ABCA4: variants seen among roughly 807,000 people sequenced by gnomAD.
ABCA4 encodes retinal-specific phospholipid-transporting ATPase ABCA4.
A neutral mutation model predicts 263.7 loss-of-function variants in ABCA4; 196 were observed. The ratio of observed to expected loss-of-function variants is 0.74; its 90% CI spans 0.66 to 0.84. The LOEUF is 0.84. Among genes scored for constraint, ABCA4 ranks in the 40% least tolerant of loss-of-function variants. The probability of loss-of-function intolerance (pLI) is 0.00; values close to 1 mark genes in which losing one functional copy is unlikely to be tolerated. For synonymous variants in ABCA4, 1,133 were observed against 1,094.2 expected (o/e 1.04, Z -0.70); for missense variants, 2,792 against 2,855.1 (o/e 0.98, Z 0.50).
At chr1:94,107,995 T>C (rs1298384782) in intron 4 of ABCA4, among the ~76,000 whole-genome samples, 1 of 152,142 alleles carries the variant, frequency 6.6e-6, no homozygotes, top group African/African-American at 2.4e-5. Flanking sequence ...AGTCCCTGCC[T>C]TCAGCCCGCT....
At chr1:94,104,092 G>A (rs957794936) in intron 4 of ABCA4, among the ~76,000 whole-genome samples, 1 of 152,108 alleles carries the variant, frequency 6.6e-6, no homozygotes, top group Non-Finnish European at 1.5e-5. Flanking sequence ...TATTATGATC[G>A]AATTAATATA....
At chr1:94,058,507 A>C (rs1407589557) in intron 14 of ABCA4, among the ~76,000 whole-genome samples, 6 of 152,166 alleles carry the variant, frequency 3.9e-5, no homozygotes, top group Non-Finnish European at 7.3e-5. Flanking sequence ...GACTACAGGC[A>C]TGTGCCACCG....
chr1:94,008,896 T>C, intron 40 of ABCA4, 25 bp from the exon 41 acceptor site: 2 of 1,609,132 alleles, frequency 1.2e-6, no homozygotes, highest in Non-Finnish European at 1.7e-6. Context: ...GGGGTCAGGA[T>C]TGGGCTGGCT....
intron 11 of ABCA4, among the ~76,000 whole-genome samples, chr1:94,077,399 A>T (rs546689093): frequency 6.6e-6 from 1 of 152,302 alleles, no homozygotes; most frequent in East Asian, 1.9e-4. Flanking sequence ...AAGCAATGTC[A>T]GACAGAAGAG....
chr1:94,046,473 A>AGAAAAAAG (rs1553191043), intron 19 of ABCA4, among the ~76,000 whole-genome samples: 23 of 120,850 alleles, frequency 1.9e-4, no homozygotes, highest in Non-Finnish European at 3.8e-4. Context: ...AAAAAAAAAA[A>AGAAAAAAG]AAAGAAAAGA....
rs370530559 is a variant in ABCA4 at position 94,037,223 on chromosome 1, G to T, written c.3735C>A (p.Ser1245Arg). ...NKNFKHRAYA[S>R]LFRELEETLA... Reference sequence around the variant, plus strand: ...GCGTCTCCTCCAGCTCTCTGAAAAGGCTGGCATATGCTCTGTGCTTGAAGT... The same window carrying T: ...GCGTCTCCTCCAGCTCTCTGAAAAGTCTGGCATATGCTCTGTGCTTGAAGT... The change falls in exon 25 of 50, where the codon AGC (serine) becomes AGA (arginine). Residue 1245 changes from serine to arginine, a missense_variant. Ser to Arg is a moderately radical substitution (Grantham distance 110). Transcript: ENST00000370225. 6.2e-7 allele frequency: 1 copy of T among 1,614,078 alleles called. No individual in the cohort carries two copies. The highest frequency in any genetic ancestry group is 8.5e-7 in the Non-Finnish European group (1 of 1,180,038).
chr1:94,037,597 T>C (rs943394555), intron 24 of ABCA4, among the ~76,000 whole-genome samples: 3 of 140,664 alleles, frequency 2.1e-5, no homozygotes, highest in Non-Finnish European at 4.7e-5. Flanking sequence ...CTGTGCAACC[T>C]GGGGGCGGAG....
intron 6 of ABCA4, among the ~76,000 whole-genome samples, chr1:94,087,863 C>A (rs1486303754): frequency 6.6e-6 from 1 of 152,184 alleles, no homozygotes; most frequent in East Asian, 1.9e-4. Context: ...ACAAAGTCCT[C>A]CCTTCATGGG....
At position 94,007,668 on chromosome 1, in the gene ABCA4, C is replaced by T; in HGVS notation, c.5971G>A (p.Val1991Met). 2 of 1,614,128 alleles carry T rather than the reference C, an allele frequency of 1.2e-6. No homozygotes were observed. Among genetic ancestry groups the T allele is most frequent in the Non-Finnish European group, 1.7e-6 (2 of 1,180,024 alleles). The change falls in exon 43 of 50, where the codon GTG (valine) becomes ATG (methionine). Residue 1991 changes from valine to methionine, a missense_variant. Physicochemically the swap from Val to Met is conservative, Grantham distance 21. Coordinates refer to ENST00000370225, the MANE Select transcript of ABCA4 (RefSeq NM_000350.3). Reference sequence around the variant, plus strand: ...GCTACGGTGGCATCCCCTGAGGTCACTGTGGTGTCCCCAGTGAGCATCTTG... The same window carrying T: ...GCTACGGTGGCATCCCCTGAGGTCATTGTGGTGTCCCCAGTGAGCATCTTG... The part of the protein sequence containing the change: ...TFKMLTGDTT[V>M]TSGDATVAGK...
intron 4 of ABCA4, among the ~76,000 whole-genome samples, chr1:94,103,563 C>T (rs1449023778): frequency 6.6e-6 from 1 of 152,140 alleles, no homozygotes; most frequent in African/African-American, 2.4e-5. Context: ...TGCTAAACAT[C>T]CTGCAAGGCC....
At chr1:94,051,832 A>T (rs1439927960) in intron 16 of ABCA4, 134 bp from the exon 17 acceptor site, 19 of 727,690 alleles carry the variant, frequency 2.6e-5, no homozygotes, top group Non-Finnish European at 4.1e-5. Flanking sequence ...TTATTATTAC[A>T]TGGCTATTCT....
intron 17 of ABCA4, among the ~76,000 whole-genome samples, chr1:94,049,548 C>A (rs548473433): frequency 6.6e-6 from 1 of 152,126 alleles, no homozygotes; most frequent in African/African-American, 2.4e-5. Flanking sequence ...CGCTTGAACC[C>A]GGGAGGCGGA....
chr1:93,994,469 G>A (rs1247410253), intron 49 of ABCA4, among the ~76,000 whole-genome samples: 1 of 152,196 alleles, frequency 6.6e-6, no homozygotes, highest in Non-Finnish European at 1.5e-5. Context: ...TTGCTTAGGA[G>A]CAAGTTGTAA....
At position 94,031,909 on chromosome 1, in the gene ABCA4, G is replaced by T. The variant is rs368413231; in HGVS notation, c.3997C>A (p.Pro1333Thr). Residue 1333 changes from proline (P) to threonine (T), a missense_variant, in exon 27 of 50, where the codon CCT (proline) becomes ACT (threonine). Transcript: ENST00000370225. ...GAPAAHPEGQ[P>T]PPEPECPGPQ... The stretch of plus-strand genomic sequence containing the variant: ...CCTGGGCACTCTGGCTCTGGGGGAG[G>T]CTGGCCCTCTGGGTGAGCAGCCGGC... 6.2e-7 allele frequency: 1 copy of T among 1,614,042 alleles called. No individual in the cohort carries two copies. Among genetic ancestry groups the T allele is most frequent in the African/African-American group, 1.3e-5 (1 of 74,932 alleles).
rs1265840106 is a variant in ABCA4 at position 94,041,208 on chromosome 1, C to A, written c.3522+1G>T. 2 of 1,614,108 alleles carry A rather than the reference C, an allele frequency of 1.2e-6. No individual in the cohort carries two copies. Among genetic ancestry groups the A allele is most frequent in the Admixed American group, 3.3e-5 (2 of 60,016 alleles). ...GGGTCCTTCCCTGGGCAGACACCTA[C>A]CTCACTGCCTTTCCTTTGGCTCTGG... On this transcript the variant is annotated splice_donor_variant, in intron 23 of 49. Coordinates refer to ENST00000370225, the MANE Select transcript of ABCA4 (RefSeq NM_000350.3). LOFTEE classifies it high-confidence loss of function.
At chr1:94,100,728 C>T (rs1662264082) in intron 5 of ABCA4, among the ~76,000 whole-genome samples, 1 of 152,110 alleles carries the variant, frequency 6.6e-6, no homozygotes, top group African/African-American at 2.4e-5. Flanking sequence ...AGACCCCAGG[C>T]AGAAAGGACC....
At chr1:94,005,883 A>T (rs1298905131) in intron 43 of ABCA4, among the ~76,000 whole-genome samples, 1 of 152,208 alleles carries the variant, frequency 6.6e-6, no homozygotes, top group African/African-American at 2.4e-5. Flanking sequence ...CAGAGGGAAG[A>T]TCAGGTTTAA....
Position 94,064,406 on chromosome 1 carries a change from G to A in ABCA4, c.1555-1089C>T, listed in dbSNP as rs1016819432. On this transcript the variant is annotated intron_variant, in intron 11 of 49. Transcript: ENST00000370225. Reference sequence around the variant, plus strand: ...CTTCCTGGAGGGATCAGGGAAGGCTGCCTGGAGGAAGAGCCTCCTGAGTAG... The same window carrying A: ...CTTCCTGGAGGGATCAGGGAAGGCTACCTGGAGGAAGAGCCTCCTGAGTAG... Among the ~76,000 whole-genome samples the A allele has an allele frequency of 5.3e-5, 8 of 152,194 alleles. No homozygotes were observed. The South Asian group carries it at 1.7e-3, about 32-fold the overall frequency.
intron 17 of ABCA4, among the ~76,000 whole-genome samples, chr1:94,049,230 A>G (rs1003349275): frequency 1.3e-5 from 2 of 152,206 alleles, no homozygotes; most frequent in Non-Finnish European, 2.9e-5. Context: ...AAATTAAGAA[A>G]ACCAGGTTTG....
Sources: allele counts gnomAD v4.1 joint callset (sites outside exome capture counted in the v4.1 genomes callset), GRCh38; gene constraint gnomAD v4.1.1; transcripts MANE v1.5; gene names NCBI Gene and HGNC (gene_info 2026-07-23, HGNC 2026-07-21).